CPNE4: variants seen among roughly 807,000 people sequenced by gnomAD.
The protein encoded by CPNE4 is copine 4.
Under a neutral mutation model 67.9 loss-of-function variants are expected in CPNE4, and 25 were observed. The observed-to-expected ratio is 0.37, with a 90% CI of 0.27 to 0.51. The LOEUF is 0.51. Among genes scored for constraint, CPNE4 ranks in the 20% least tolerant of loss-of-function variants. The probability of loss-of-function intolerance (pLI) is 0.93; values close to 1 mark genes in which losing one functional copy is unlikely to be tolerated. For missense variants in CPNE4, 464 were observed against 690.8 expected (o/e 0.67, Z 3.68); for synonymous variants, 242 against 244.9 (o/e 0.99, Z 0.11).
rs3041573 is a variant in CPNE4, at chr3:131,911,543, TTGTGTGTGTGTG to T, written c.-1-6111_-1-6100del. Among the ~76,000 whole-genome samples, 1,270 of 146,022 alleles carry T rather than the reference TTGTGTGTGTGTG, an allele frequency of 8.7e-3. 6 individuals carry two copies. Among genetic ancestry groups the T allele is most frequent in the Middle Eastern group, 0.024 (7 of 286 alleles). ...AAACAGATTCAAGAGGCACTCCAAG[TTGTGTGTGTGTG>T]TGTGTGTGTGTGTGTGTGTGTGTGT... On this transcript the variant is annotated intron_variant, in intron 1 of 15. Transcript: ENST00000429747.
intron 1 of CPNE4, 93 bp from the exon 2 acceptor site, chr3:131,905,537 G>A: frequency 8.8e-7 from 1 of 1,134,006 alleles, no homozygotes; most frequent in Non-Finnish European, 1.2e-6. Context: ...TCAGAAAATT[G>A]TTTGACACAC....
At chr3:131,560,494 T>C (rs1936703785) in intron 11 of CPNE4, among the ~76,000 whole-genome samples, 1 of 151,992 alleles carries the variant, frequency 6.6e-6, no homozygotes, top group African/African-American at 2.4e-5. Context: ...CAGGACTCCC[T>C]CCTTGACCAC....
intron 7 of CPNE4, among the ~76,000 whole-genome samples, chr3:131,617,755 G>A (rs949741983): frequency 3.9e-5 from 6 of 152,016 alleles, no homozygotes; most frequent in Admixed American, 1.3e-4. Context: ...GGTTATATAC[G>A]GGTTCCATTT....
intron 2 of CPNE4, among the ~76,000 whole-genome samples, chr3:131,868,188 G>T (rs2087039867): frequency 6.6e-6 from 1 of 152,058 alleles, no homozygotes; most frequent in South Asian, 2.1e-4. Context: ...GTCTTAAATA[G>T]GTCCCTCATT....
chr3:131,782,538 T>A (rs1002234945), intron 2 of CPNE4, among the ~76,000 whole-genome samples: 4 of 152,004 alleles, frequency 2.6e-5, no homozygotes, highest in Admixed American at 2.6e-4. Context: ...CTCCTAGTTA[T>A]CTTGAGAAGA....
At chr3:131,815,874 T>C (rs963968982) in intron 2 of CPNE4, among the ~76,000 whole-genome samples, 1 of 152,246 alleles carries the variant, frequency 6.6e-6, no homozygotes, top group Non-Finnish European at 1.5e-5. Context: ...TGTCTTTGGT[T>C]AGTTCACAGT....
chr3:131,978,561 CCA>C (rs1320471580), intron 1 of CPNE4, among the ~76,000 whole-genome samples: 2 of 74,536 alleles, frequency 2.7e-5, no homozygotes, highest in Admixed American at 4.4e-4. Flanking sequence ...TATATATATG[CCA>C]CAGTTTCTTT....
At chr3:131,947,799 G>T (rs1268561496) in intron 1 of CPNE4, among the ~76,000 whole-genome samples, 1 of 152,042 alleles carries the variant, frequency 6.6e-6, no homozygotes, top group Non-Finnish European at 1.5e-5. Flanking sequence ...CTAGGTCCTT[G>T]AGGAATTGCC....
intron 7 of CPNE4, among the ~76,000 whole-genome samples, chr3:131,602,942 C>T (rs1323690397): frequency 6.6e-6 from 1 of 152,106 alleles, no homozygotes; most frequent in African/African-American, 2.4e-5. Context: ...GCAGAATAGA[C>T]CAGTTGGCTG....
At chr3:131,650,017 G>T (rs1338482850) in intron 7 of CPNE4, among the ~76,000 whole-genome samples, 2 of 152,102 alleles carry the variant, frequency 1.3e-5, no homozygotes, top group African/African-American at 4.8e-5. Flanking sequence ...AGAATTTGTG[G>T]CTGTACTATT....
At chr3:131,870,147 C>G (rs980051377) in intron 2 of CPNE4, among the ~76,000 whole-genome samples, 1 of 152,106 alleles carries the variant, frequency 6.6e-6, no homozygotes, top group Non-Finnish European at 1.5e-5. Flanking sequence ...TTTCCAGGAG[C>G]CTCTTAGTGG....
chr3:131,570,320 T>A (rs1488051251), intron 10 of CPNE4, among the ~76,000 whole-genome samples: 41 of 147,448 alleles, frequency 2.8e-4, no homozygotes, highest in Non-Finnish European at 4.9e-4. Context: ...TATTTATTTA[T>A]TTATTTATTT....
At chr3:131,718,998 T>C (rs1560175818) in intron 3 of CPNE4, among the ~76,000 whole-genome samples, 1 of 152,120 alleles carries the variant, frequency 6.6e-6, no homozygotes, top group African/African-American at 2.4e-5. Context: ...CCCAAAAGTG[T>C]GGGAAAGGCC....
At chr3:131,765,971 C>A (rs1020718816) in intron 2 of CPNE4, among the ~76,000 whole-genome samples, 2 of 152,054 alleles carry the variant, frequency 1.3e-5, no homozygotes, top group Admixed American at 6.6e-5. Flanking sequence ...GGTGACCAGG[C>A]AGAATATAAG....
rs1196415440 is a variant in CPNE4, at chr3:131,727,337, G to A, written c.181-3712C>T. Among the ~76,000 whole-genome samples, 4 of 152,102 alleles carry A rather than the reference G, an allele frequency of 2.6e-5. No homozygotes were observed. The East Asian group carries it at 5.8e-4, about 22-fold the overall frequency. The stretch of plus-strand genomic sequence containing the variant: ...CGGCCAGGCGCAGTGGCTCAAGCCT[G>A]TAATCCCAGCACTTTTGGAGGCCGA... On this transcript the variant is annotated intron_variant, in intron 2 of 15. Transcript: ENST00000429747.
chr3:131,947,097 T>G (rs989045355), intron 1 of CPNE4, among the ~76,000 whole-genome samples: 4 of 152,204 alleles, frequency 2.6e-5, no homozygotes, highest in African/African-American at 9.7e-5. Context: ...ACTGTTGTGA[T>G]TATTGTAGCT....
intron 2 of CPNE4, among the ~76,000 whole-genome samples, chr3:131,830,418 T>C (rs66460145): frequency 0.073 from 11,140 of 152,118 alleles, 424 homozygotes; most frequent in East Asian, 0.099. Context: ...ATTGTTATTC[T>C]ATCTCCTTTC....
At chr3:131,862,389 A>G (rs2086727047) in intron 2 of CPNE4, among the ~76,000 whole-genome samples, 1 of 152,164 alleles carries the variant, frequency 6.6e-6, no homozygotes, top group Non-Finnish European at 1.5e-5. Flanking sequence ...TCCTCATTGT[A>G]CCCACAGTTC....
chr3:131,767,060 GC>G (rs1354925162), intron 2 of CPNE4, among the ~76,000 whole-genome samples: 4 of 152,166 alleles, frequency 2.6e-5, no homozygotes, highest in Admixed American at 2.6e-4. Flanking sequence ...TTATGTGGAT[GC>G]CTGTTAATGT....
Sources: gnomAD v4.1 joint callset for allele counts (sites outside exome capture counted in the v4.1 genomes callset) on GRCh38, gnomAD v4.1.1 for gene constraint, MANE v1.5 for transcripts, NCBI Gene and HGNC (gene_info 2026-07-23, HGNC 2026-07-21) for gene names.